The following POLR3G variants were observed in gnomAD, a reference collection of about 807,000 sequenced individuals.
The protein encoded by POLR3G is DNA-directed RNA polymerase III subunit RPC7.
Under a neutral mutation model 30.1 loss-of-function variants are expected in POLR3G, and 28 were observed. The observed-to-expected ratio is 0.93, with a 90% confidence interval of 0.69 to 1.27. The LOEUF is 1.27. Ranked by LOEUF, POLR3G falls within the 50% of genes most tolerant of loss-of-function variation. The probability of loss-of-function intolerance (pLI) is 0.00; values close to 1 mark genes in which losing one functional copy is unlikely to be tolerated. For synonymous variants in POLR3G, 79 were observed against 82.5 expected, an observed-to-expected ratio of 0.96 and a Z score of 0.23; for missense variants, 254 against 264.6, an observed-to-expected ratio of 0.96 and a Z score of 0.28.
chr5:90,495,784 C>A, intron 4 of POLR3G, 51 bp downstream of exon 4: 1 of 1,520,782 alleles, frequency 6.6e-7, no homozygotes, highest in South Asian at 1.4e-5. Context: ...CTGTCTCTCT[C>A]ACCTCATGTT....
rs1455780458 is a variant in POLR3G, at chr5:90,494,301, C to G, written c.248-1376C>G. Among the ~76,000 whole-genome samples the G allele has an allele frequency of 3.9e-5, 6 of 152,150 alleles. No homozygotes were observed. The East Asian group carries it at 1.2e-3, about 29-fold the overall frequency. On this transcript the variant is annotated intron_variant, in intron 3 of 7. Transcript: ENST00000651687. Reference sequence around the variant, plus strand: ...ATATATGCCACATTTTGTTTATCCACTCATCACTTGATGGGCATTTGGGTC... The same window carrying G: ...ATATATGCCACATTTTGTTTATCCAGTCATCACTTGATGGGCATTTGGGTC...
At chr5:90,478,591 G>C (rs1207214043) in intron 1 of POLR3G, among the ~76,000 whole-genome samples, 1 of 11,070 alleles carries the variant, frequency 9.0e-5, no homozygotes, top group African/African-American at 3.4e-4. Flanking sequence ...TTTTTTGAGA[G>C]GGAGCCTCAC....
intron 3 of POLR3G, among the ~76,000 whole-genome samples, chr5:90,491,240 A>G (rs1444624756): frequency 6.6e-6 from 1 of 152,238 alleles, no homozygotes; most frequent in Non-Finnish European, 1.5e-5. Context: ...TGTTATTTAT[A>G]TAATAAAGGA....
At chr5:90,491,522 ATTTTTGACGT>A (rs1411079113) in intron 3 of POLR3G, among the ~76,000 whole-genome samples, 1 of 151,132 alleles carries the variant, frequency 6.6e-6, no homozygotes, top group Non-Finnish European at 1.5e-5. Context: ...CCCAATATAA[ATTTTTGACGT>A]TTTTTTTTTT....
At chr5:90,477,416 G>A (rs1196220086) in intron 1 of POLR3G, among the ~76,000 whole-genome samples, 7 of 152,176 alleles carry the variant, frequency 4.6e-5, no homozygotes, top group Admixed American at 3.9e-4. Context: ...TCCGGCCACA[G>A]GAAGTTTATT....
chr5:90,504,511 G>A (rs539807863), intron 6 of POLR3G, among the ~76,000 whole-genome samples: 26 of 150,832 alleles, frequency 1.7e-4, no homozygotes, highest in Admixed American at 5.3e-4. Flanking sequence ...GCAGTGAGCC[G>A]AGATCGTACC....
chr5:90,480,479 A>C (rs1294659709), intron 1 of POLR3G, among the ~76,000 whole-genome samples: 1 of 152,234 alleles, frequency 6.6e-6, no homozygotes, highest in Non-Finnish European at 1.5e-5. Flanking sequence ...TAATGATAGC[A>C]ATTCATACAC....
chr5:90,510,909 A>T (rs1433658191), intron 7 of POLR3G, among the ~76,000 whole-genome samples: 1 of 152,026 alleles, frequency 6.6e-6, no homozygotes, highest in Non-Finnish European at 1.5e-5. Context: ...AGTAAAATTG[A>T]TAGGAGACTT....
chr5:90,485,787 T>C (rs1405470757), intron 2 of POLR3G, 103 bp downstream of exon 2: 11 of 729,660 alleles, frequency 1.5e-5, no homozygotes, highest in Middle Eastern at 2.4e-4. Flanking sequence ...CATCCTCAAG[T>C]ATAAGAAAGT....
rs34374200 is a variant in POLR3G at position 90,502,801 on chromosome 5, C to CTTTTTT, written c.438+815_438+816insTTTTTT. ...TAAGTCTGTGTAGAGTTACCTCATC[C>CTTTTTT]TTCTTTTTTTTTTTTTGGCTGCACT... On this transcript the variant is annotated intron_variant, in intron 6 of 7. Transcript: ENST00000651687. Among the ~76,000 whole-genome samples the CTTTTTT allele has an allele frequency of 7.7e-5, 11 of 142,270 alleles. 2 individuals are homozygous for CTTTTTT. Among genetic ancestry groups the CTTTTTT allele is most frequent in the African/African-American group, 7.8e-5 (3 of 38,446 alleles). 93.3% of individuals were successfully genotyped at this position (142,270 alleles called of 152,430 possible).
At chr5:90,499,773 CAT>C (rs1418820343) in intron 5 of POLR3G, among the ~76,000 whole-genome samples, 1 of 152,098 alleles carries the variant, frequency 6.6e-6, no homozygotes, top group Non-Finnish European at 1.5e-5. Flanking sequence ...ATTTTTTGCA[CAT>C]GTGTATTTAA....
At chr5:90,489,890 T>C (rs1751633153) in intron 3 of POLR3G, among the ~76,000 whole-genome samples, 1 of 152,134 alleles carries the variant, frequency 6.6e-6, no homozygotes, top group African/African-American at 2.4e-5. Flanking sequence ...GCAGATCACC[T>C]GAGGTCAGGA....
At chr5:90,495,774 C>T (rs748496948) in intron 4 of POLR3G, 41 bp downstream of exon 4, 1 of 1,542,716 alleles carries the variant, frequency 6.5e-7, no homozygotes, top group East Asian at 2.4e-5. Context: ...TTTTTAAAGG[C>T]TGTCTCTCTC....
At chr5:90,491,215 C>CT (rs1272917155) in intron 3 of POLR3G, among the ~76,000 whole-genome samples, 1 of 152,104 alleles carries the variant, frequency 6.6e-6, no homozygotes, top group East Asian at 1.9e-4. Context: ...TTAGTATTTT[C>CT]TTTGCATCGA....
intron 6 of POLR3G, among the ~76,000 whole-genome samples, chr5:90,503,445 A>G (rs987164416): frequency 1.3e-5 from 2 of 152,234 alleles, no homozygotes; most frequent in Non-Finnish European, 2.9e-5. Flanking sequence ...AGTTCTAGCC[A>G]GTTTGTATTG....
intron 2 of POLR3G, among the ~76,000 whole-genome samples, chr5:90,487,378 ATTTTTTTTTTT>A (rs59951999): frequency 1.8e-5 from 1 of 57,020 alleles, no homozygotes; most frequent in African/African-American, 7.9e-5. Flanking sequence ...TGGTACATTA[ATTTTTTTTTTT>A]TTTTTTTTTT....
chr5:90,479,861 C>T (rs925290334), intron 1 of POLR3G, among the ~76,000 whole-genome samples: 1 of 151,948 alleles, frequency 6.6e-6, no homozygotes. Flanking sequence ...ATTCAGTTAG[C>T]CAAGAGGGAA....
chr5:90,482,882 T>C (rs762482425), intron 1 of POLR3G, among the ~76,000 whole-genome samples: 3 of 152,124 alleles, frequency 2.0e-5, no homozygotes, highest in South Asian at 2.1e-4. Context: ...GGCTCACAAC[T>C]ATAATCCCAG....
At chr5:90,489,603 A>G (rs1489858060) in intron 3 of POLR3G, among the ~76,000 whole-genome samples, 1 of 152,112 alleles carries the variant, frequency 6.6e-6, no homozygotes, top group Non-Finnish European at 1.5e-5. Flanking sequence ...ATGATGTTGC[A>G]TGCTTTCGTC....
Sources: gnomAD v4.1 joint callset for allele counts (sites outside exome capture counted in the v4.1 genomes callset) on GRCh38, gnomAD v4.1.1 for gene constraint, MANE v1.5 for transcripts, NCBI Gene and HGNC (gene_info 2026-07-23, HGNC 2026-07-21) for gene names.